The following SEMA6D variants were observed in gnomAD, a reference collection of about 807,000 sequenced individuals.
SEMA6D encodes the protein semaphorin-6D.
SEMA6D carries 35 observed loss-of-function variants against 106.6 expected under a neutral mutation model. The ratio of observed to expected loss-of-function variants is 0.33; its 90% CI spans 0.25 to 0.44. The LOEUF is 0.44. Among genes scored for constraint, SEMA6D ranks in the 20% least tolerant of loss-of-function variants. The probability of loss-of-function intolerance (pLI) is 1.00; values close to 1 mark genes in which losing one functional copy is unlikely to be tolerated. For synonymous variants in SEMA6D, 499 were observed against 487.7 expected (o/e 1.02, Z -0.31); for missense variants, 1,185 against 1,345.9 (o/e 0.88, Z 1.87).
chr15:47,239,991 A>G (rs2032804551), intron 1 of SEMA6D, among the ~76,000 whole-genome samples: 2 of 152,196 alleles, frequency 1.3e-5, no homozygotes, highest in Non-Finnish European at 2.9e-5. Context: ...TTGATATATC[A>G]TAAATATTCA....
intron 2 of SEMA6D, among the ~76,000 whole-genome samples, chr15:47,453,519 C>T (rs1339337845): frequency 6.6e-6 from 1 of 151,840 alleles, no homozygotes; most frequent in African/African-American, 2.4e-5. Context: ...CTTTACATCC[C>T]ACTGAGAAGA....
At chr15:47,293,101 AT>A (rs201870992) in intron 1 of SEMA6D, among the ~76,000 whole-genome samples, 2,790 of 152,190 alleles carry the variant, frequency 0.018, 52 homozygotes, top group African/African-American at 0.025. Flanking sequence ...CTGGTGGTTG[AT>A]TTTTATTTTC....
chr15:47,335,760 G>C (rs1005979075), intron 1 of SEMA6D, among the ~76,000 whole-genome samples: 1 of 152,100 alleles, frequency 6.6e-6, no homozygotes, highest in Non-Finnish European at 1.5e-5. Context: ...AGAGAAAAAG[G>C]GGAGAGTCAT....
intron 1 of SEMA6D, among the ~76,000 whole-genome samples, chr15:47,263,127 A>T (rs976638751): frequency 4.6e-5 from 7 of 152,156 alleles, no homozygotes; most frequent in Non-Finnish European, 8.8e-5. Context: ...CATTCAGGAC[A>T]TAGGGATTGG....
At chr15:47,491,216 C>A (rs7166296) in intron 3 of SEMA6D, among the ~76,000 whole-genome samples, 3,972 of 152,204 alleles carry the variant, frequency 0.026, 174 homozygotes, top group African/African-American at 0.091. Context: ...TGCCCACCCA[C>A]CTCAAATAAC....
Position 47,764,804 on chromosome 15 carries a change from G to A in SEMA6D, c.1253+11G>A, listed in dbSNP as rs192460489. ...AAAGACTCGGGTCAGGTGAGATTGT[G>A]TGTGAAACACTCCTTCCTATTCAAC... is the stretch of plus-strand genomic sequence containing the variant. On this transcript the variant is annotated intron_variant, in intron 12 of 18. Coordinates refer to ENST00000536845, the MANE Select transcript of SEMA6D (RefSeq NM_001358351.3). 5.0e-6 allele frequency: 8 copies of A among 1,613,806 alleles called. No homozygotes were observed. The African/African-American group carries it at 6.7e-5, about 13-fold the overall frequency.
At chr15:47,479,354 A>C (rs1651911744) in intron 3 of SEMA6D, among the ~76,000 whole-genome samples, 1 of 152,022 alleles carries the variant, frequency 6.6e-6, no homozygotes, top group African/African-American at 2.4e-5. Context: ...CTGTTTCTCT[A>C]TGCTAAGTTC....
chr15:47,590,948 A>G (rs572233744), intron 3 of SEMA6D, among the ~76,000 whole-genome samples: 18 of 152,318 alleles, frequency 1.2e-4, no homozygotes, highest in Non-Finnish European at 2.4e-4. Context: ...AATCTCTCAT[A>G]CAATTGCAAT....
chr15:47,416,625 T>C (rs2040976871), intron 2 of SEMA6D, among the ~76,000 whole-genome samples: 1 of 152,120 alleles, frequency 6.6e-6, no homozygotes, highest in South Asian at 2.1e-4. Context: ...AGGTAATTTC[T>C]CTGTTCAATC....
chr15:47,705,101 C>G (rs1233346065), intron 4 of SEMA6D, among the ~76,000 whole-genome samples: 1 of 152,136 alleles, frequency 6.6e-6, no homozygotes, highest in East Asian at 1.9e-4. Context: ...CCCACACTTT[C>G]TAGCACAGTT....
At chr15:47,314,651 C>T (rs1038389855) in intron 1 of SEMA6D, among the ~76,000 whole-genome samples, 1 of 131,398 alleles carries the variant, frequency 7.6e-6, no homozygotes, top group Non-Finnish European at 1.7e-5. Context: ...AACAGGGTAA[C>T]AGTTTTTAAT....
chr15:47,243,164 A>G (rs2033012501), intron 1 of SEMA6D, among the ~76,000 whole-genome samples: 1 of 152,114 alleles, frequency 6.6e-6, no homozygotes, highest in Non-Finnish European at 1.5e-5. Flanking sequence ...TGAGAAATAC[A>G]ATTTTAGTAC....
chr15:47,667,682 C>A (rs2078054194), intron 4 of SEMA6D, among the ~76,000 whole-genome samples: 1 of 152,206 alleles, frequency 6.6e-6, no homozygotes, highest in South Asian at 2.1e-4. Context: ...CATCTTCTTG[C>A]TGTCCTCACG....
At chr15:47,723,309 C>T (rs1829121107) in intron 1 of SEMA6D, among the ~76,000 whole-genome samples, 1 of 152,104 alleles carries the variant, frequency 6.6e-6, no homozygotes, top group African/African-American at 2.4e-5. Context: ...CTTCTCCCAC[C>T]ATTTTTCTCC....
At chr15:47,403,561 T>G (rs1190653174) in intron 1 of SEMA6D, among the ~76,000 whole-genome samples, 1 of 152,148 alleles carries the variant, frequency 6.6e-6, no homozygotes, top group Non-Finnish European at 1.5e-5. Context: ...GCTAATAACT[T>G]GCAACAGAGT....
At chr15:47,579,329 A>G (rs929968136) in intron 3 of SEMA6D, among the ~76,000 whole-genome samples, 22 of 152,046 alleles carry the variant, frequency 1.4e-4, no homozygotes, top group South Asian at 8.3e-4. Context: ...TTTAGTAGAG[A>G]CGGGGTTTCT....
chr15:47,683,166 C>T (rs1041413309), intron 4 of SEMA6D, among the ~76,000 whole-genome samples: 3 of 152,108 alleles, frequency 2.0e-5, no homozygotes, highest in African/African-American at 4.8e-5. Context: ...ACTTGAAGAG[C>T]GAACATTATA....
At chr15:47,247,185 G>C (rs910383805) in intron 1 of SEMA6D, among the ~76,000 whole-genome samples, 1 of 152,074 alleles carries the variant, frequency 6.6e-6, no homozygotes, top group South Asian at 2.1e-4. Flanking sequence ...GACCTGAAAC[G>C]ACTAATAAGA....
At chr15:47,404,535 C>A (rs2040499114) in intron 1 of SEMA6D, among the ~76,000 whole-genome samples, 1 of 152,144 alleles carries the variant, frequency 6.6e-6, no homozygotes, top group Non-Finnish European at 1.5e-5. Context: ...TCTCTAAGAC[C>A]TTTAATGCTG....
Sources: allele counts gnomAD v4.1 joint callset (sites outside exome capture counted in the v4.1 genomes callset), GRCh38; gene constraint gnomAD v4.1.1; transcripts MANE v1.5; gene names NCBI Gene and HGNC (gene_info 2026-07-23, HGNC 2026-07-21).